Variants in MYO18B observed in about 807,000 individuals in gnomAD.
MYO18B encodes the protein unconventional myosin-XVIIIb.
Under a neutral mutation model 273.0 loss-of-function variants are expected in MYO18B, and 204 were observed. The observed-to-expected ratio is 0.75, with a 90% CI of 0.67 to 0.84. MYO18B has a LOEUF of 0.84. Ranked by LOEUF, MYO18B falls within the 40% of genes least tolerant of loss-of-function variation. The probability of loss-of-function intolerance (pLI) is 0.00; values close to 1 mark genes in which losing one functional copy is unlikely to be tolerated. For missense variants in MYO18B, 3,212 were observed against 3,287.6 expected (o/e 0.98, Z 0.56); for synonymous variants, 1,330 against 1,305.7 (o/e 1.02, Z -0.40).
At chr22:25,815,842 C>T (rs1042744805) in intron 12 of MYO18B, among the ~76,000 whole-genome samples, 3 of 152,218 alleles carry the variant, frequency 2.0e-5, no homozygotes, top group Admixed American at 1.3e-4. Flanking sequence ...ATAAAGCCTT[C>T]TTTTCCCCCA....
At chr22:25,940,026 G>A (rs1431252886) in intron 34 of MYO18B, among the ~76,000 whole-genome samples, 1 of 152,204 alleles carries the variant, frequency 6.6e-6, no homozygotes, top group East Asian at 1.9e-4. Context: ...CATAACCTTT[G>A]TGCATGGCAT....
chr22:26,011,741 T>C (rs1934940951), intron 42 of MYO18B, among the ~76,000 whole-genome samples: 1 of 152,210 alleles, frequency 6.6e-6, no homozygotes, highest in African/African-American at 2.4e-5. Flanking sequence ...CAAGCCTGGC[T>C]TTCTGCTGTT....
chr22:25,788,147 G>A (rs2087481982), intron 11 of MYO18B, among the ~76,000 whole-genome samples: 1 of 152,174 alleles, frequency 6.6e-6, no homozygotes, highest in African/African-American at 2.4e-5. Flanking sequence ...GAACTGGTAG[G>A]GTGTTTCTTT....
At chr22:25,756,136 C>T (rs988865045) in intron 1 of MYO18B, among the ~76,000 whole-genome samples, 4 of 152,140 alleles carry the variant, frequency 2.6e-5, no homozygotes, top group Non-Finnish European at 5.9e-5. Flanking sequence ...CCTCGTGATC[C>T]GCCTGCCTCA....
At chr22:26,044,987 G>C in the MYO18B span, among the ~76,000 whole-genome samples, 2 of 152,118 alleles carry the variant, frequency 1.3e-5, no homozygotes, top group African/African-American at 4.8e-5. Flanking sequence ...CTATGCCCTT[G>C]GGTTGTCATG....
chr22:25,931,289 T>TGAA (rs1315793975), intron 34 of MYO18B, among the ~76,000 whole-genome samples: 1 of 152,160 alleles, frequency 6.6e-6, no homozygotes, highest in African/African-American at 2.4e-5. Flanking sequence ...CTATGATGAA[T>TGAA]GAAGTGGGAA....
intron 37 of MYO18B, among the ~76,000 whole-genome samples, 178 bp downstream of exon 37, chr22:25,950,628 G>GT (rs1215477925): frequency 2.6e-5 from 4 of 151,990 alleles, no homozygotes; most frequent in African/African-American, 7.3e-5. Flanking sequence ...CTGGAGTGAA[G>GT]TGGCGCGATC....
At chr22:25,752,374 A>T (rs950691548) in intron 1 of MYO18B, among the ~76,000 whole-genome samples, 1 of 150,824 alleles carries the variant, frequency 6.6e-6, no homozygotes, top group African/African-American at 2.4e-5. Context: ...TTTTTAGTAG[A>T]GACGGGGTTT....
In MYO18B at chr22:26,026,733, C is replaced by T. The variant is rs756859848; in HGVS notation, c.6759C>T (p.Phe2253=). 19 of 1,613,260 alleles carry T rather than the reference C, an allele frequency of 1.2e-5. No homozygotes were observed. Among genetic ancestry groups the T allele is most frequent in the Middle Eastern group, 1.6e-4 (1 of 6,082 alleles). The change falls in exon 43 of 44, where the codon TTC becomes TTT. Residue 2253 remains phenylalanine (F), a synonymous_variant. Transcript: ENST00000335473. The part of the protein sequence containing the change: ...LPSPSAALSE[F]VEGLRRKRAQ... ...GTCCTTCAGCGGCCCTCTCGGAGTT[C>T]GTGGAAGGGCTCCGGAGGAAGAGAG...
intron 22 of MYO18B, among the ~76,000 whole-genome samples, chr22:25,869,004 T>C (rs1332817034): frequency 6.6e-6 from 1 of 152,228 alleles, no homozygotes; most frequent in East Asian, 1.9e-4. Context: ...ACTATTTGAC[T>C]GTGGAACCCC....
chr22:25,827,382 G>A (rs1252046837), intron 14 of MYO18B, among the ~76,000 whole-genome samples: 2 of 152,208 alleles, frequency 1.3e-5, no homozygotes, highest in Admixed American at 1.3e-4. Context: ...GAAATTTGGA[G>A]TGGGCTGGGG....
At chr22:25,768,086 T>G in intron 3 of MYO18B, 29 bp from the exon 4 acceptor site, 1 of 1,541,482 alleles carries the variant, frequency 6.5e-7, no homozygotes, top group Non-Finnish European at 8.8e-7. Context: ...CAAGCAGCTA[T>G]GTAGGCATGG....
At chr22:25,853,350 C>T (rs1473764720) in intron 21 of MYO18B, among the ~76,000 whole-genome samples, 1 of 152,202 alleles carries the variant, frequency 6.6e-6, no homozygotes, top group South Asian at 2.1e-4. Context: ...GCAGTGGGTA[C>T]CAGGGCACAG....
At chr22:25,856,521 G>A (rs1289659456) in intron 21 of MYO18B, among the ~76,000 whole-genome samples, 1 of 152,256 alleles carries the variant, frequency 6.6e-6, no homozygotes, top group Non-Finnish European at 1.5e-5. Context: ...CCCAGGAGAT[G>A]CCACTAAAAC....
At chr22:25,750,518 G>C (rs895651713) in intron 1 of MYO18B, among the ~76,000 whole-genome samples, 6 of 152,182 alleles carry the variant, frequency 3.9e-5, no homozygotes, top group African/African-American at 1.4e-4. Context: ...GTGTCAGGCA[G>C]TCAGATCATT....
rs375730340 is a variant in MYO18B, at chr22:25,820,838, C to G, written c.2522-2667C>G. Among the ~76,000 whole-genome samples the G allele has an allele frequency of 5.1e-4, 78 of 152,282 alleles. 1 individual carries two copies. Among genetic ancestry groups the G allele is most frequent in the African/African-American group, 1.9e-3 (78 of 41,570 alleles). ...CCCTATCCGCCCACTTACCTCCCCA[C>G]AAACCCTTCCCAGCCTCTAGTATGC... On this transcript the variant is annotated intron_variant, in intron 12 of 43. Coordinates refer to ENST00000335473, the MANE Select transcript of MYO18B (RefSeq NM_032608.7).
At chr22:25,877,489 T>A (rs1430093792) in intron 24 of MYO18B, among the ~76,000 whole-genome samples, 1 of 152,202 alleles carries the variant, frequency 6.6e-6, no homozygotes, top group East Asian at 1.9e-4. Flanking sequence ...GTTTTTGAGA[T>A]GGAGTCTCGC....
intron 30 of MYO18B, chr22:25,903,020 TAGCTATA>T: frequency 2.8e-6 from 1 of 356,486 alleles, no homozygotes; most frequent in East Asian, 6.5e-5. Flanking sequence ...GAGAATGAGT[TAGCTATA>T]ACCTTGTCCA....
intron 39 of MYO18B, chr22:25,965,036 A>T (rs1218862469): frequency 6.6e-6 from 1 of 152,226 alleles, no homozygotes; most frequent in Non-Finnish European, 1.5e-5. Context: ...CAGACTGTGT[A>T]CTTTTAATCA....
Sources: allele counts gnomAD v4.1 joint callset (sites outside exome capture counted in the v4.1 genomes callset), GRCh38; gene constraint gnomAD v4.1.1; transcripts MANE v1.5; gene names NCBI Gene and HGNC (gene_info 2026-07-23, HGNC 2026-07-21).